Variants in TBC1D30 observed in about 807,000 individuals in gnomAD.
TBC1D30 encodes TBC1 domain family, member 30.
Under a neutral mutation model 63.2 loss-of-function variants are expected in TBC1D30, and 31 were observed. The observed-to-expected ratio is 0.49, with a 90% CI of 0.37 to 0.66. The LOEUF (loss-of-function observed/expected upper bound fraction) is 0.66, where lower values mean the gene tolerates loss of function less well. TBC1D30 is among the 30% of genes least tolerant of loss of function. The probability of loss-of-function intolerance (pLI) is 0.00; values close to 1 mark genes in which losing one functional copy is unlikely to be tolerated. For synonymous variants in TBC1D30, 307 were observed against 361.5 expected, an observed-to-expected ratio of 0.85 and a Z score of 1.71; for missense variants, 810 against 953.6, an observed-to-expected ratio of 0.85 and a Z score of 1.98.
intron 2 of TBC1D30, among the ~76,000 whole-genome samples, chr12:64,801,128 GTTTC>G (rs2136316292): frequency 6.6e-6 from 1 of 152,198 alleles, no homozygotes; most frequent in East Asian, 1.9e-4. Context: ...TTTGATATTT[GTTTC>G]TTTATACATC....
At chr12:64,784,847 C>T (rs530105362) in intron 1 of TBC1D30, among the ~76,000 whole-genome samples, 2 of 139,414 alleles carry the variant, frequency 1.4e-5, no homozygotes, top group Non-Finnish European at 3.0e-5. Context: ...CACATGTATC[C>T]TGGAACTTAA....
At chr12:64,837,250 A>G (rs1875447263) in intron 6 of TBC1D30, among the ~76,000 whole-genome samples, 1 of 152,144 alleles carries the variant, frequency 6.6e-6, no homozygotes, top group African/African-American at 2.4e-5. Flanking sequence ...CCGGGAAGAC[A>G]GTTTTTCCAC....
chr12:64,816,458 C>A (rs1449866059), intron 2 of TBC1D30, among the ~76,000 whole-genome samples: 1 of 152,230 alleles, frequency 6.6e-6, no homozygotes, highest in African/African-American at 2.4e-5. Flanking sequence ...GCAACTCAAA[C>A]TGTATTGTCC....
intron 2 of TBC1D30, among the ~76,000 whole-genome samples, chr12:64,786,361 T>C (rs1350998245): frequency 6.6e-6 from 1 of 152,006 alleles, no homozygotes; most frequent in Non-Finnish European, 1.5e-5. Context: ...AAACAGAGTC[T>C]CACTCCGTCA....
chr12:64,871,519 G>A (rs1178625340), intron 11 of TBC1D30, among the ~76,000 whole-genome samples: 1 of 152,056 alleles, frequency 6.6e-6, no homozygotes, highest in Non-Finnish European at 1.5e-5. Context: ...TGTTTTTAAA[G>A]TGGCATGTGA....
chr12:64,804,015 G>GT (rs971263393), intron 2 of TBC1D30, among the ~76,000 whole-genome samples: 17 of 152,142 alleles, frequency 1.1e-4, no homozygotes, highest in African/African-American at 1.2e-4. Context: ...CTTCAAAGTA[G>GT]TTTTTTTCCA....
At chr12:64,835,541 C>T (rs1191631378) in intron 5 of TBC1D30, among the ~76,000 whole-genome samples, 2 of 152,112 alleles carry the variant, frequency 1.3e-5, no homozygotes, top group Non-Finnish European at 2.9e-5. Flanking sequence ...TGGGAAGGAG[C>T]TGGTCTTTTA....
Position 64,875,332 on chromosome 12 carries a change from C to T in TBC1D30, c.1830C>T (p.Phe610=). Residue 610 remains phenylalanine, a synonymous_variant, in exon 12 of 12, where the codon TTC becomes TTT. Transcript: ENST00000539867. ...KTNGLGAAEA[F]PSGCTATAGR... is the part of the protein sequence containing the mutation. ...ATGGGCTGGGGGCAGCAGAGGCATT[C>T]CCCTCTGGTTGTACAGCGACAGCTG... is the stretch of plus-strand genomic sequence containing the variant. The T allele has an allele frequency of 6.5e-7, 1 of 1,536,256 alleles. No individual in the cohort carries two copies. Among genetic ancestry groups the T allele is most frequent in the Non-Finnish European group, 8.7e-7 (1 of 1,146,926 alleles).
intron 8 of TBC1D30, among the ~76,000 whole-genome samples, chr12:64,861,206 A>G (rs1260468413): frequency 1.3e-5 from 2 of 152,224 alleles, no homozygotes; most frequent in Non-Finnish European, 1.5e-5. Context: ...TCATGTTTTC[A>G]TATTTCTTGT....
intron 2 of TBC1D30, among the ~76,000 whole-genome samples, chr12:64,805,134 G>A (rs575376835): frequency 7.2e-5 from 11 of 152,300 alleles, no homozygotes; most frequent in African/African-American, 2.6e-4. Flanking sequence ...CTGGGAGGCA[G>A]AGGTTGCAGT....
chr12:64,763,681 T>C (rs1870602702), intron 1 of TBC1D30, among the ~76,000 whole-genome samples: 1 of 151,586 alleles, frequency 6.6e-6, no homozygotes, highest in Non-Finnish European at 1.5e-5. Context: ...TGATCTCGGC[T>C]CACTACAACC....
chr12:64,766,414 A>G (rs1870715856), intron 1 of TBC1D30, among the ~76,000 whole-genome samples: 2 of 152,162 alleles, frequency 1.3e-5, no homozygotes, highest in South Asian at 4.1e-4. Flanking sequence ...AGTAATAAAG[A>G]AAAGTAGACT....
intron 1 of TBC1D30, among the ~76,000 whole-genome samples, chr12:64,785,729 G>A (rs2136295816): frequency 6.6e-6 from 1 of 152,328 alleles, no homozygotes; most frequent in African/African-American, 2.4e-5. Context: ...TGATCGGAAT[G>A]TCCGAGCTGA....
At chr12:64,816,234 T>C (rs1873526522) in intron 2 of TBC1D30, among the ~76,000 whole-genome samples, 1 of 152,132 alleles carries the variant, frequency 6.6e-6, no homozygotes, top group African/African-American at 2.4e-5. Context: ...GGTTTCACCA[T>C]GTTGGCCAGG....
intron 1 of TBC1D30, among the ~76,000 whole-genome samples, chr12:64,774,971 T>C (rs1168251784): frequency 1.3e-5 from 2 of 151,946 alleles, no homozygotes; most frequent in African/African-American, 4.8e-5. Context: ...TGCACACCTG[T>C]AATCCCAACT....
intron 2 of TBC1D30, among the ~76,000 whole-genome samples, chr12:64,810,533 C>T (rs143315948): frequency 1.0e-3 from 158 of 151,976 alleles, no homozygotes; most frequent in African/African-American, 3.7e-3. Context: ...AACCTGGGAC[C>T]GGGAGGCTGC....
At position 64,836,083 on chromosome 12, in the gene TBC1D30, G is replaced by C. The variant is rs1357049158; in HGVS notation, c.595-407G>C. Among the ~76,000 whole-genome samples the C allele has an allele frequency of 2.6e-5, 4 of 152,156 alleles. No homozygotes were observed. In the South Asian group the frequency reaches 6.2e-4, roughly 24 times the overall value. ...AGTGGGGGTGTTTTATGATAGGCCTGCTCTTAGTTTTCATATTGAGGTTGT... is the reference window on the plus strand; with the variant it reads ...AGTGGGGGTGTTTTATGATAGGCCTCCTCTTAGTTTTCATATTGAGGTTGT... On this transcript the variant is annotated intron_variant, in intron 5 of 11. Coordinates refer to ENST00000539867, the MANE Select transcript of TBC1D30 (RefSeq NM_015279.2).
chr12:64,795,529 CA>C lies in TBC1D30; in HGVS notation c.643+9486del, dbSNP rs532273483. ...ACAGCCTTCTCCCCATATTTCTTGT[CA>C]AGCCTCCTGGGGAACTGGTTGCCAA... On this transcript the variant is annotated intron_variant, in intron 2 of 12. Transcript: ENST00000542120. Among the ~76,000 whole-genome samples, 274 of 152,282 alleles carry C rather than the reference CA, an allele frequency of 1.8e-3. 1 individual carries two copies. Among genetic ancestry groups the C allele is most frequent in the Non-Finnish European group, 2.7e-3 (182 of 68,030 alleles).
In TBC1D30 at chr12:64,878,083, G is replaced by A; in HGVS notation, c.*2295G>A. The stretch of plus-strand genomic sequence containing the variant: ...GGATGGATGAGGTAACACACAGTTT[G>A]GGATACGTATCTGTTGAATGAATGA... On this transcript the variant is annotated 3_prime_UTR_variant, in exon 12 of 12. Transcript: ENST00000539867. 2 of 202,438 alleles carry A rather than the reference G, an allele frequency of 9.9e-6. 1 individual carries two copies. Among genetic ancestry groups the A allele is most frequent in the South Asian group, 1.8e-4 (2 of 10,912 alleles). The allele number at this position is 202,438 out of a possible 1,614,324, so 12.5% of individuals were successfully genotyped here.
Sources: gnomAD v4.1 joint callset for allele counts (sites outside exome capture counted in the v4.1 genomes callset) on GRCh38, gnomAD v4.1.1 for gene constraint, MANE v1.5 for transcripts, NCBI Gene and HGNC (gene_info 2026-07-23, HGNC 2026-07-21) for gene names.